Variants in ASTN1 observed in about 807,000 individuals in gnomAD.
The protein encoded by ASTN1 is astrotactin 1.
ASTN1 carries 41 observed loss-of-function variants against 140.7 expected under a neutral mutation model. That is an observed-to-expected ratio of 0.29 (90% confidence interval 0.23 to 0.38). ASTN1 has a LOEUF of 0.38. ASTN1 is among the 10% of genes least tolerant of loss of function. The pLI is 1.00. For synonymous variants in ASTN1, 640 were observed against 652.2 expected (o/e 0.98, Z 0.29); for missense variants, 1,479 against 1,678.8 (o/e 0.88, Z 2.08).
At chr1:177,142,395 T>C (rs1016776157) in intron 1 of ASTN1, among the ~76,000 whole-genome samples, 6 of 152,190 alleles carry the variant, frequency 3.9e-5, no homozygotes, top group African/African-American at 1.4e-4. Context: ...AGGATTACGT[T>C]AACCACAGTT....
At chr1:177,032,331 G>A in intron 3 of ASTN1, 125 bp downstream of exon 3, 2 of 1,306,734 alleles carry the variant, frequency 1.5e-6, no homozygotes, top group South Asian at 1.4e-5. Flanking sequence ...TGCCTATCTA[G>A]GGAAGGGCAC....
intron 1 of ASTN1, among the ~76,000 whole-genome samples, chr1:177,087,594 A>G (rs1444075472): frequency 4.6e-5 from 7 of 152,176 alleles, no homozygotes; most frequent in South Asian, 2.1e-4. Flanking sequence ...CTAGGTTTAC[A>G]AGAAATACTA....
chr1:177,061,375 A>G (rs980326767), intron 1 of ASTN1, 110 bp from the exon 2 acceptor site: 5 of 1,076,952 alleles, frequency 4.6e-6, no homozygotes, highest in Non-Finnish European at 6.4e-6. Context: ...AGCCAACAGA[A>G]GTTTCCAACA....
chr1:177,105,071 G>T (rs1264029423), intron 1 of ASTN1, among the ~76,000 whole-genome samples: 2 of 152,098 alleles, frequency 1.3e-5, no homozygotes, highest in African/African-American at 4.8e-5. Flanking sequence ...TCTCCAATTT[G>T]CCATTTGCCC....
downstream of ASTN1, among the ~76,000 whole-genome samples, chr1:176,860,568 C>T (rs1320568688): frequency 6.6e-6 from 1 of 152,232 alleles, no homozygotes; most frequent in Non-Finnish European, 1.5e-5. Context: ...TGCTCCTACA[C>T]AGTGCAAGAC....
intron 8 of ASTN1, chr1:176,975,990 C>T (rs1054063621): frequency 6.6e-6 from 1 of 152,094 alleles, no homozygotes; most frequent in Admixed American, 6.5e-5. Flanking sequence ...TGCAATCCAG[C>T]CTAAGAATTC....
chr1:176,907,751 G>C (rs1209624623), intron 16 of ASTN1, among the ~76,000 whole-genome samples: 1 of 152,140 alleles, frequency 6.6e-6, no homozygotes, highest in Admixed American at 6.5e-5. Context: ...ACACAGGGAG[G>C]GGCAGACAGA....
chr1:176,974,941 C>T (rs1673300934), intron 8 of ASTN1, among the ~76,000 whole-genome samples: 1 of 152,146 alleles, frequency 6.6e-6, no homozygotes. Flanking sequence ...CTGTCATAGG[C>T]CCCAGTTATT....
At chr1:177,152,973 G>C (rs1571858743) in intron 1 of ASTN1, among the ~76,000 whole-genome samples, 2 of 152,222 alleles carry the variant, frequency 1.3e-5, no homozygotes, top group Admixed American at 1.3e-4. Context: ...CAAATCAGAG[G>C]GGAGATTATG....
At chr1:177,045,104 A>C (rs1677155213) in intron 2 of ASTN1, among the ~76,000 whole-genome samples, 1 of 152,060 alleles carries the variant, frequency 6.6e-6, no homozygotes, top group Non-Finnish European at 1.5e-5. Context: ...TTCAAGTCCC[A>C]GCACACATCT....
At chr1:177,141,842 C>T (rs2102225377) in intron 1 of ASTN1, among the ~76,000 whole-genome samples, 1 of 152,280 alleles carries the variant, frequency 6.6e-6, no homozygotes, top group African/African-American at 2.4e-5. Flanking sequence ...GAAACGTCAC[C>T]TTGGAGCAAA....
At chr1:177,062,637 AT>A (rs1338394223) in intron 1 of ASTN1, among the ~76,000 whole-genome samples, 1 of 151,726 alleles carries the variant, frequency 6.6e-6, no homozygotes, top group Non-Finnish European at 1.5e-5. Context: ...CATAAAAGAG[AT>A]TTAATAAGAC....
At chr1:177,025,641 A>C (rs1160863510) in intron 5 of ASTN1, among the ~76,000 whole-genome samples, 1 of 152,182 alleles carries the variant, frequency 6.6e-6, no homozygotes, top group African/African-American at 2.4e-5. Flanking sequence ...GATAGCAATA[A>C]AAGGTTTCCA....
intron 20 of ASTN1, among the ~76,000 whole-genome samples, chr1:176,880,207 T>C (rs1020617592): frequency 6.6e-6 from 1 of 152,128 alleles, no homozygotes; most frequent in African/African-American, 2.4e-5. Flanking sequence ...CCTGTGTGAG[T>C]GCGCACCGAC....
chr1:177,148,715 A>G (rs1386396556), intron 1 of ASTN1, among the ~76,000 whole-genome samples: 1 of 151,710 alleles, frequency 6.6e-6, no homozygotes, highest in Non-Finnish European at 1.5e-5. Flanking sequence ...TACCCAAGAA[A>G]AGAAGAGACC....
chr1:177,074,990 C>A (rs1302245118), intron 1 of ASTN1, among the ~76,000 whole-genome samples: 3 of 152,014 alleles, frequency 2.0e-5, no homozygotes, highest in African/African-American at 7.3e-5. Context: ...TTATTGGTAA[C>A]CCGGGTGGTT....
chr1:176,888,345 A>C, intron 17 of ASTN1, 141 bp from the exon 18 acceptor site: 1 of 1,012,472 alleles, frequency 9.9e-7, no homozygotes, highest in Non-Finnish European at 1.4e-6. Context: ...TCATTGTCTC[A>C]AATTCTGATT....
intron 5 of ASTN1, among the ~76,000 whole-genome samples, chr1:177,027,645 T>TAAA (rs1558041206): frequency 1.8e-4 from 28 of 151,582 alleles, no homozygotes; most frequent in Non-Finnish European, 3.4e-4. Flanking sequence ...AGGCTTTTTA[T>TAAA]GTGCCATTTT....
rs60769752 is a variant in ASTN1, at chr1:176,985,845, TACACACACACACACACACACACAC to T, written c.1524-20632_1524-20609del. Among the ~76,000 whole-genome samples the T allele has an allele frequency of 3.3e-3, 422 of 129,742 alleles. 3 individuals carry two copies. Among genetic ancestry groups the T allele is most frequent in the African/African-American group, 0.011 (356 of 33,560 alleles). The allele number at this position is 129,742 out of a possible 152,430, so 85.1% of individuals were successfully genotyped here. On this transcript the variant is annotated intron_variant, in intron 8 of 22. Coordinates refer to ENST00000361833, the MANE Select transcript of ASTN1 (RefSeq NM_004319.3). ...TATTGGTTCTCTCTCTCTCTCTCTC[TACACACACACACACACACACACAC>T]ACACACACACACACACACACACACA...
Sources: gnomAD v4.1 joint callset for allele counts (sites outside exome capture counted in the v4.1 genomes callset) on GRCh38, gnomAD v4.1.1 for gene constraint, MANE v1.5 for transcripts, NCBI Gene and HGNC (gene_info 2026-07-23, HGNC 2026-07-21) for gene names.